NUTM2F: variants seen among roughly 807,000 people sequenced by gnomAD.
NUTM2F encodes NUT family member 2F, also known as family with sequence similarity 22, member F.
A neutral mutation model predicts 43.3 loss-of-function variants in NUTM2F; 22 were observed. The observed-to-expected ratio is 0.51, with a 90% confidence interval of 0.36 to 0.73. NUTM2F has a LOEUF of 0.73. Ranked by LOEUF, NUTM2F falls within the 30% of genes least tolerant of loss-of-function variation. The probability of loss-of-function intolerance (pLI) is 0.00; values close to 1 mark genes in which losing one functional copy is unlikely to be tolerated. For missense variants in NUTM2F, 488 were observed against 927.4 expected (o/e 0.53, Z 6.15); for synonymous variants, 202 against 389.0 (o/e 0.52, Z 5.66).
At position 94,320,722 on chromosome 9, in the gene NUTM2F, C is replaced by A. The variant is rs1831351625; in HGVS notation, c.983-129G>T. The A allele has an allele frequency of 7.3e-7, 1 of 1,363,294 alleles. No individual in the cohort carries two copies. Among genetic ancestry groups the A allele is most frequent in the Non-Finnish European group, 9.8e-7 (1 of 1,023,540 alleles). The allele number at this position is 1,363,294 out of a possible 1,614,324, so 84.4% of individuals were successfully genotyped here. A position where few individuals can be genotyped will look rare whatever the true frequency, so the allele number is the denominator to read the frequency against. On this transcript the variant is annotated intron_variant, in intron 4 of 6. Coordinates refer to ENST00000253262, the MANE Select transcript of NUTM2F (RefSeq NM_017561.2). The surrounding 1 kb of genome is among the most constrained non-coding windows in gnomAD (Gnocchi z 4.5). ...GGTCAGGACCACCTGAACCACAGCG[C>A]CCCGGAGGAGACGCCACAGGAGGGG...
chr9:94,323,296 G>A (rs879139956), intron 2 of NUTM2F, among the ~76,000 whole-genome samples: 3 of 152,326 alleles, frequency 2.0e-5, no homozygotes, highest in East Asian at 1.9e-4. Flanking sequence ...GGAAGACGGG[G>A]CCGCCTTCAC....
chr9:94,326,028 G>T, intron 1 of NUTM2F, 94 bp from the exon 2 acceptor site: 2 of 1,397,414 alleles, frequency 1.4e-6, no homozygotes, highest in Non-Finnish European at 2.0e-6. Flanking sequence ...CTGAGGGCAT[G>T]TGACAGGGAA....
chr9:94,322,409 G>C, intron 2 of NUTM2F, 80 bp from the exon 3 acceptor site: 2 of 1,578,142 alleles, frequency 1.3e-6, no homozygotes, highest in Admixed American at 3.5e-5. Flanking sequence ...CCTGGCTCCT[G>C]TCCTCCCCAC....
In NUTM2F at chr9:94,325,738, G is replaced by A. The variant is rs757123318; in HGVS notation, c.213C>T (p.Arg71=). 7.0e-5 allele frequency: 113 copies of A among 1,611,704 alleles called. No individual in the cohort carries two copies. The East Asian group carries it at 9.4e-4, about 13-fold the overall frequency. The change falls in exon 2 of 7, where the codon CGC becomes CGT. Residue 71 remains arginine (R), a synonymous_variant. Transcript: ENST00000253262. ...STPLVAGQDG[R]GPSGAGASNV... ...TGGAAGCCCCGGCCCCACTCGGGCCGCGGCCATCCTGTCCTGCCACTAGAG... is the reference window on the plus strand; with the variant it reads ...TGGAAGCCCCGGCCCCACTCGGGCCACGGCCATCCTGTCCTGCCACTAGAG...
chr9:94,321,283 C>A, intron 3 of NUTM2F, 51 bp from the exon 4 acceptor site: 1 of 1,549,400 alleles, frequency 6.5e-7, no homozygotes, highest in South Asian at 1.2e-5. Flanking sequence ...GGCCCCCTCC[C>A]CCCAGGACCA....
Position 94,320,954 on chromosome 9 carries a change from C to CA in NUTM2F, c.982+138dup, listed in dbSNP as rs1831355472. 1.4e-6 allele frequency: 2 copies of CA among 1,422,012 alleles called. No homozygotes were observed. The highest frequency in any genetic ancestry group is 2.9e-5 in the African/African-American group (2 of 69,476). The allele number at this position is 1,422,012 out of a possible 1,614,324, so 88.1% of individuals were successfully genotyped here. A position where few individuals can be genotyped will look rare whatever the true frequency, so the allele number is the denominator to read the frequency against. On this transcript the variant is annotated intron_variant, in intron 4 of 6. Coordinates refer to ENST00000253262, the MANE Select transcript of NUTM2F (RefSeq NM_017561.2). This position sits in a 1 kb window ranked among gnomAD's most constrained non-coding sequence, Gnocchi z 4.5. ...AGTAGGTATTCACCTGGTCAATACC[C>CA]AACATACACTCCCGGAAGCTGTCCT...
chr9:94,324,633 A>C (rs1362155010), intron 2 of NUTM2F, among the ~76,000 whole-genome samples: 1 of 150,072 alleles, frequency 6.7e-6, no homozygotes, highest in East Asian at 2.0e-4. Flanking sequence ...ACTGCACTCC[A>C]GCCTGGGCGA....
At position 94,320,301 on chromosome 9, in the gene NUTM2F, C is replaced by T. The variant is rs765052641; in HGVS notation, c.1275G>A (p.Val425=). 8.7e-6 allele frequency: 14 copies of T among 1,613,954 alleles called. No individual in the cohort carries two copies. In the Admixed American group the frequency reaches 2.3e-4, roughly 27 times the overall value. ...EPEGQREKGK[V]EQPQEEDGIT... The stretch of plus-strand genomic sequence containing the variant: ...TCCCGTCCTCTTCCTGCGGCTGCTC[C>T]ACTTTGCCCTTTTCCCGTTGTCCCT... Residue 425 remains valine, a synonymous_variant, in exon 5 of 7, where the codon GTG becomes GTA. Transcript: ENST00000253262. The surrounding 1 kb of genome is among the most constrained non-coding windows in gnomAD (Gnocchi z 4.5).
At chr9:94,325,969 C>G (rs7875387) in intron 1 of NUTM2F, 35 bp from the exon 2 acceptor site, 152,942 of 1,607,698 alleles carry the variant, frequency 0.095, 8,135 homozygotes, top group Non-Finnish European at 0.11. Context: ...AATGAGCTGG[C>G]GTCTCCAGGT....
intron 2 of NUTM2F, among the ~76,000 whole-genome samples, chr9:94,323,340 T>C (rs142490495): frequency 2.3e-4 from 35 of 152,196 alleles, no homozygotes; most frequent in South Asian, 4.1e-4. Context: ...CCTAGGGGAA[T>C]GGCCAGTGTG....
chr9:94,320,335 C>A lies in NUTM2F; in HGVS notation c.1241G>T (p.Gly414Val). The A allele has an allele frequency of 6.2e-7, 1 of 1,613,768 alleles. No individual in the cohort carries two copies. Among genetic ancestry groups the A allele is most frequent in the Admixed American group, 1.7e-5 (1 of 60,004 alleles). ...ELLGSHPGDT[G>V]EPEGQREKGK... is the part of the protein sequence containing the mutation. Reference sequence around the variant, plus strand: ...CTTTTCCCGTTGTCCCTCAGGCTCCCCTGTGTCCCCAGGGTGAGACCCCAG... The same window carrying A: ...CTTTTCCCGTTGTCCCTCAGGCTCCACTGTGTCCCCAGGGTGAGACCCCAG... The change falls in exon 5 of 7, where the codon GGG becomes GTG. Residue 414 changes from glycine to valine, a missense_variant. By Grantham distance (109) the Gly-to-Val change is moderately radical (BLOSUM62 -3). Transcript: ENST00000253262. This position sits in a 1 kb window ranked among gnomAD's most constrained non-coding sequence, Gnocchi z 4.5.
In NUTM2F at chr9:94,325,916, G is replaced by A. The variant is rs1178783246; in HGVS notation, c.35C>T (p.Pro12Leu). Reference protein sequence around the residue: ...ASNGAYPVLGPGVTVNPGTSL... With the variant: ...ASNGAYPVLGLGVTVNPGTSL... ...GGTGCCAGGGTTCACGGTCACGCCG[G>A]GTCCCAGCACTGGGTATGCTGTGGA... Residue 12 changes from proline (P) to leucine (L), a missense_variant, in exon 2 of 7, where the codon CCC becomes CTC. Pro to Leu is a moderately conservative substitution (Grantham distance 98). Coordinates refer to ENST00000253262, the MANE Select transcript of NUTM2F (RefSeq NM_017561.2). 2 of 1,611,782 alleles carry A rather than the reference G, an allele frequency of 1.2e-6. No homozygotes were observed. Among genetic ancestry groups the A allele is most frequent in the South Asian group, 1.1e-5 (1 of 90,972 alleles).
Position 94,318,822 on chromosome 9 carries a change from GC to G in NUTM2F, c.1913del (p.Gly638AlafsTer12). The G allele has an allele frequency of 6.4e-7, 1 of 1,562,402 alleles. No homozygotes were observed. The highest frequency in any genetic ancestry group is 1.9e-5 in the Admixed American group (1 of 52,244). On this transcript the variant is annotated frameshift_variant, in exon 7 of 7. Coordinates refer to ENST00000253262, the MANE Select transcript of NUTM2F (RefSeq NM_017561.2). LOFTEE classifies it low-confidence loss of function (END_TRUNC). Reference protein sequence around the residue: ...KGSSEETELPGMVYVVGSHHR... With the variant: ...KGSSEETELPXMVYVVGSHHR... ...GGTGGGAACCCACGACATAGACCAT[GC>G]CAGGGAGTTCCGTCTCCTCACTTGA...
chr9:94,327,009 T>C lies in NUTM2F; in HGVS notation c.17-1075A>G, dbSNP rs1444334263. ...GTGGAGTCCCCTGAGATATTGTCAT[T>C]GTGTAGCCAGCAACAGCTGCACATG... is the stretch of plus-strand genomic sequence containing the variant. On this transcript the variant is annotated intron_variant, in intron 1 of 6. Transcript: ENST00000253262. Among the ~76,000 whole-genome samples, 8 of 149,900 alleles carry C rather than the reference T, an allele frequency of 5.3e-5. No individual in the cohort carries two copies. In the East Asian group the frequency reaches 1.4e-3, roughly 26 times the overall value.
chr9:94,320,869 G>A lies in NUTM2F; in HGVS notation c.982+224C>T, dbSNP rs944220217. On this transcript the variant is annotated intron_variant, in intron 4 of 6. Transcript: ENST00000253262. The surrounding 1 kb of genome is among the most constrained non-coding windows in gnomAD (Gnocchi z 4.5). Reference sequence around the variant, plus strand: ...GGAGTTTTGGACAGGCAAGGGGAGAGAGAAAGTAGGAAACTTGGCCCGGTC... The same window carrying A: ...GGAGTTTTGGACAGGCAAGGGGAGAAAGAAAGTAGGAAACTTGGCCCGGTC... Among the ~76,000 whole-genome samples, 1 of 152,184 alleles carries A rather than the reference G, an allele frequency of 6.6e-6. No homozygotes were observed. Among genetic ancestry groups the A allele is most frequent in the East Asian group, 1.9e-4 (1 of 5,182 alleles).
chr9:94,322,400 C>G, intron 2 of NUTM2F, 71 bp from the exon 3 acceptor site: 1 of 1,596,452 alleles, frequency 6.3e-7, no homozygotes, highest in Non-Finnish European at 8.6e-7. Context: ...GTCCCAACAC[C>G]TGGCTCCTGT....
intron 2 of NUTM2F, among the ~76,000 whole-genome samples, chr9:94,322,750 A>G (rs1245905443): frequency 6.6e-6 from 1 of 151,840 alleles, no homozygotes; most frequent in Non-Finnish European, 1.5e-5. Flanking sequence ...GCTCTCAGCC[A>G]CAAGAGCACA....
intron 3 of NUTM2F, 88 bp from the exon 4 acceptor site, chr9:94,321,320 G>A (rs926199140): frequency 1.3e-6 from 2 of 1,532,398 alleles, no homozygotes; most frequent in Non-Finnish European, 1.7e-6. Flanking sequence ...AGGGATGGGA[G>A]GGAGTGCCTC....
rs1831342805 is a variant in NUTM2F at position 94,320,356 on chromosome 9, C to G, written c.1220G>C (p.Gly407Ala). 1.2e-6 allele frequency: 2 copies of G among 1,613,412 alleles called. No individual in the cohort carries two copies. Among genetic ancestry groups the G allele is most frequent in the African/African-American group, 2.7e-5 (2 of 74,892 alleles). The change falls in exon 5 of 7, where the codon GGG (glycine) becomes GCG (alanine). Residue 407 changes from glycine to alanine, a missense_variant. Gly to Ala is a moderately conservative substitution (Grantham distance 60, BLOSUM62 0). Transcript: ENST00000253262. The surrounding 1 kb of genome is among the most constrained non-coding windows in gnomAD (Gnocchi z 4.5). Reference protein sequence around the residue: ...EYVDIMEELLGSHPGDTGEPE... With the variant: ...EYVDIMEELLASHPGDTGEPE... ...CTCCCCTGTGTCCCCAGGGTGAGACCCCAGCAGCTCCTCCATGATGTCCAC... is the reference window on the plus strand; with the variant it reads ...CTCCCCTGTGTCCCCAGGGTGAGACGCCAGCAGCTCCTCCATGATGTCCAC...
Sources: allele counts gnomAD v4.1 joint callset (sites outside exome capture counted in the v4.1 genomes callset), GRCh38; gene constraint gnomAD v4.1.1; non-coding constraint Gnocchi (gnomAD v3.1); transcripts MANE v1.5; gene names NCBI Gene and HGNC (gene_info 2026-07-23, HGNC 2026-07-21).